The following HECW2 variants were observed in gnomAD, a reference collection of about 807,000 sequenced individuals.
HECW2 encodes HECT, C2 and WW domain containing E3 ubiquitin protein ligase 2, also known as E3 ubiquitin-protein ligase HECW2.
HECW2 carries 61 observed loss-of-function variants against 175.2 expected under a neutral mutation model. The observed-to-expected ratio is 0.35, with a 90% CI of 0.28 to 0.43. HECW2 has a LOEUF of 0.43. Among genes scored for constraint, HECW2 ranks in the 20% least tolerant of loss-of-function variants. HECW2 has a pLI of 1.00. For missense variants in HECW2, 1,524 were observed against 2,000.5 expected (o/e 0.76, Z 4.54); for synonymous variants, 671 against 731.0 (o/e 0.92, Z 1.32).
At position 196,197,666 on chromosome 2, in the gene HECW2, G is replaced by A. The variant is rs1020653258; in HGVS notation, c.*3611C>T. ...GCATCTTGGAAACCTCACTGAATGT[G>A]GAATATACTGGTACAAACATTAGTC... On this transcript the variant is annotated 3_prime_UTR_variant, in exon 29 of 29. Transcript: ENST00000644978. 6.6e-6 allele frequency: 1 copy of A among 152,134 alleles called. No homozygotes were observed. Among genetic ancestry groups the A allele is most frequent in the Admixed American group, 6.5e-5 (1 of 15,268 alleles). The allele number at this position is 152,134 out of a possible 1,614,324, so 9.4% of individuals were successfully genotyped here. A position where few individuals can be genotyped will look rare whatever the true frequency, so the allele number is the denominator to read the frequency against.
intron 1 of HECW2, among the ~76,000 whole-genome samples, chr2:196,515,475 G>A (rs570176871): frequency 6.6e-6 from 1 of 152,312 alleles, no homozygotes; most frequent in East Asian, 1.9e-4. Flanking sequence ...CATGTTCCAT[G>A]GATTTGGCTT....
intron 2 of HECW2, among the ~76,000 whole-genome samples, chr2:196,371,335 G>A (rs949436728): frequency 2.0e-5 from 3 of 152,074 alleles, no homozygotes; most frequent in Non-Finnish European, 4.4e-5. Flanking sequence ...TACCTTAACA[G>A]CTCACAATTA....
At chr2:196,460,259 T>C (rs986916693) in intron 1 of HECW2, among the ~76,000 whole-genome samples, 2 of 152,158 alleles carry the variant, frequency 1.3e-5, no homozygotes, top group Non-Finnish European at 2.9e-5. Flanking sequence ...ATTAAAAGAC[T>C]CTAAGAAATA....
chr2:196,591,933 G>A (rs1227074811), intron 1 of HECW2, among the ~76,000 whole-genome samples: 2 of 151,996 alleles, frequency 1.3e-5, no homozygotes, highest in African/African-American at 4.8e-5. Context: ...TAACCTCTTG[G>A]AACATACAGC....
chr2:196,438,876 C>T (rs1453633246), intron 1 of HECW2, among the ~76,000 whole-genome samples: 1 of 152,156 alleles, frequency 6.6e-6, no homozygotes, highest in Non-Finnish European at 1.5e-5. Flanking sequence ...TACCCTGAAG[C>T]TGTATAGTCT....
chr2:196,278,672 A>C lies in HECW2; in HGVS notation c.3001-10T>G. The C allele has an allele frequency of 6.2e-7, 1 of 1,613,668 alleles. No homozygotes were observed. The highest frequency in any genetic ancestry group is 8.5e-7 in the Non-Finnish European group (1 of 1,179,672). On this transcript the variant is annotated splice_polypyrimidine_tract_variant and intron_variant, in intron 14 of 28. Transcript: ENST00000644978. ...GGTCCACAAAGAATGCCTAGGATAC[A>C]ATACACTGAGTCAAATACATGCCGC...
chr2:196,342,856 C>G (rs531292945), intron 3 of HECW2, among the ~76,000 whole-genome samples: 33 of 152,030 alleles, frequency 2.2e-4, no homozygotes, highest in African/African-American at 8.0e-4. Flanking sequence ...TAAGCGATAT[C>G]TTGACTTATT....
At chr2:196,571,865 A>C (rs1003133046) in intron 1 of HECW2, among the ~76,000 whole-genome samples, 3 of 152,200 alleles carry the variant, frequency 2.0e-5, no homozygotes, top group African/African-American at 4.8e-5. Context: ...ACAATAGCTA[A>C]AAGGTAGAAG....
At chr2:196,514,362 G>A (rs2125421586) in intron 1 of HECW2, among the ~76,000 whole-genome samples, 1 of 152,350 alleles carries the variant, frequency 6.6e-6, no homozygotes, top group South Asian at 2.1e-4. Context: ...GGAGACCACA[G>A]TGGGGCTGAG....
At chr2:196,284,589 A>G (rs1690312768) in intron 14 of HECW2, among the ~76,000 whole-genome samples, 1 of 152,218 alleles carries the variant, frequency 6.6e-6, no homozygotes, top group Non-Finnish European at 1.5e-5. Context: ...ATTGTGAAAA[A>G]TAGATTCTAC....
In HECW2 at chr2:196,319,231, G is replaced by A; in HGVS notation, c.1659C>T (p.Gly553=). 2 of 1,597,160 alleles carry A rather than the reference G, an allele frequency of 1.3e-6. No homozygotes were observed. Among genetic ancestry groups the A allele is most frequent in the Non-Finnish European group, 1.7e-6 (2 of 1,172,124 alleles). ...AGPAPEEGEG[G]PEPQPSADQG... ...GGTCAGCACTGGGTTGAGGCTCTGG[G>A]CCGCCTTCACCTTCCTCTGGGGCTG... Residue 553 remains glycine, a synonymous_variant, in exon 9 of 29, where the codon GGC becomes GGT. Transcript: ENST00000644978.
chr2:196,252,103 G>A (rs1041340912), intron 19 of HECW2, among the ~76,000 whole-genome samples: 4 of 151,528 alleles, frequency 2.6e-5, no homozygotes, highest in African/African-American at 7.3e-5. Context: ...GGAGGCTGAG[G>A]CAGGAGAATT....
chr2:196,329,002 CT>C (rs369004305), intron 5 of HECW2, among the ~76,000 whole-genome samples: 12,337 of 150,844 alleles, frequency 0.082, 549 homozygotes, highest in East Asian at 0.14. Flanking sequence ...TGACATTATT[CT>C]TTTTTTTTCA....
intron 2 of HECW2, among the ~76,000 whole-genome samples, chr2:196,368,335 C>T (rs761737744): frequency 9.9e-5 from 15 of 152,264 alleles, no homozygotes; most frequent in Non-Finnish European, 2.1e-4. Context: ...TTGCTGTGCA[C>T]TTCTCTGCTG....
intron 2 of HECW2, among the ~76,000 whole-genome samples, chr2:196,427,790 G>A (rs893765626): frequency 5.3e-5 from 8 of 152,120 alleles, no homozygotes; most frequent in Non-Finnish European, 1.2e-4. Context: ...AAATCTCAGG[G>A]TGTATATGAG....
intron 1 of HECW2, among the ~76,000 whole-genome samples, chr2:196,583,543 T>A (rs1217839566): frequency 6.6e-6 from 1 of 152,218 alleles, no homozygotes; most frequent in Non-Finnish European, 1.5e-5. Flanking sequence ...CTGCCTGGAC[T>A]GTGGACCACA....
intron 14 of HECW2, among the ~76,000 whole-genome samples, chr2:196,281,773 G>A (rs943950289): frequency 6.7e-6 from 1 of 150,164 alleles, no homozygotes; most frequent in African/African-American, 2.4e-5. Flanking sequence ...CATTGTAAAT[G>A]TACCAGTTTA....
At chr2:196,545,293 C>A (rs1688172722) in intron 1 of HECW2, among the ~76,000 whole-genome samples, 24 of 152,128 alleles carry the variant, frequency 1.6e-4, no homozygotes, top group Admixed American at 1.6e-3. Flanking sequence ...AGTCTCAGGG[C>A]TGAAACTCCT....
intron 1 of HECW2, among the ~76,000 whole-genome samples, chr2:196,498,150 T>C (rs2125398048): frequency 6.6e-6 from 1 of 152,322 alleles, no homozygotes; most frequent in African/African-American, 2.4e-5. Flanking sequence ...ACCAGTAAGG[T>C]AAAAGCATCT....
Sources: allele counts gnomAD v4.1 joint callset (sites outside exome capture counted in the v4.1 genomes callset), GRCh38; gene constraint gnomAD v4.1.1; transcripts MANE v1.5; gene names NCBI Gene and HGNC (gene_info 2026-07-23, HGNC 2026-07-21).